The following ZNF445 variants were observed in gnomAD, a reference collection of about 807,000 sequenced individuals.
ZNF445 encodes zinc finger protein 168.
In ZNF445, 19 loss-of-function variants were observed where a neutral mutation model predicts 93.9. The observed-to-expected ratio is 0.20, with a 90% CI of 0.14 to 0.30. ZNF445 has a LOEUF of 0.30. Among genes scored for constraint, ZNF445 ranks in the 10% least tolerant of loss-of-function variants. ZNF445 has a pLI of 1.00. For synonymous variants in ZNF445, 449 were observed against 446.3 expected (o/e 1.01, Z -0.08); for missense variants, 1,058 against 1,259.4 (o/e 0.84, Z 2.42).
chr3:44,450,907 G>GCACCCCTC lies in ZNF445; in HGVS notation c.653_654insGAGGGGTG (p.Asp218GlufsTer6). 1 of 1,597,740 alleles carries GCACCCCTC rather than the reference G, an allele frequency of 6.3e-7. No homozygotes were observed. Among genetic ancestry groups the GCACCCCTC allele is most frequent in the Non-Finnish European group, 8.5e-7 (1 of 1,172,636 alleles). On this transcript the variant is annotated frameshift_variant, in exon 5 of 8. Transcript: ENST00000396077. LOFTEE classifies it high-confidence loss of function. Reference sequence around the variant, plus strand: ...TCAGGGACCTGGTTGGTGTTACCTGGTCTCCCGGGCACCCCTCTCTCGGGA... The same window carrying GCACCCCTC: ...TCAGGGACCTGGTTGGTGTTACCTGGCACCCCTCTCTCCCGGGCACCCCTCTCTCGGGA...
intron 3 of ZNF445, among the ~76,000 whole-genome samples, chr3:44,454,193 CA>C (rs560656049): frequency 4.7e-4 from 48 of 102,014 alleles, no homozygotes; most frequent in East Asian, 7.9e-4. Context: ...GGGTATGCCT[CA>C]AAAAAAAAAA....
rs1399895721 is a variant in ZNF445 at position 44,434,331 on chromosome 3, T to C, written c.*12244A>G. On this transcript the variant is annotated 3_prime_UTR_variant, in exon 8 of 8. Transcript: ENST00000396077. ...CAGGCTGAGGAAGCAGCTTCACTTG[T>C]ACCCAGGAGGTGCAGGTTGCAGTGA... 1.3e-5 allele frequency: 2 copies of C among 151,474 alleles called. No individual in the cohort carries two copies. Among genetic ancestry groups the C allele is most frequent in the Non-Finnish European group, 2.9e-5 (2 of 67,924 alleles). The allele number at this position is 151,474 out of a possible 1,614,324, so 9.4% of individuals were successfully genotyped here. A position where few individuals can be genotyped will look rare whatever the true frequency, so the allele number is the denominator to read the frequency against.
In ZNF445 at chr3:44,437,539, A is replaced by G. The variant is rs1165333792; in HGVS notation, c.*9036T>C. On this transcript the variant is annotated 3_prime_UTR_variant, in exon 8 of 8. Transcript: ENST00000396077. ...AGTGGTGAAAGGACAGCTACTCCATAGAGTAGGATGGAGTAACCTCTAACC... is the reference window on the plus strand; with the variant it reads ...AGTGGTGAAAGGACAGCTACTCCATGGAGTAGGATGGAGTAACCTCTAACC... 1 of 152,204 alleles carries G rather than the reference A, an allele frequency of 6.6e-6. No homozygotes were observed. The highest frequency in any genetic ancestry group is 2.4e-5 in the African/African-American group (1 of 41,452). 9.4% of individuals were successfully genotyped at this position (152,204 alleles called of 1,614,324 possible).
At chr3:44,473,228 C>G (rs1042249219) in intron 1 of ZNF445, among the ~76,000 whole-genome samples, 3 of 151,972 alleles carry the variant, frequency 2.0e-5, no homozygotes, top group African/African-American at 7.3e-5. Flanking sequence ...GAGGCTGAGG[C>G]GAGATCATCT....
In ZNF445 at chr3:44,449,530, G is replaced by A. The variant is rs777728719; in HGVS notation, c.914C>T (p.Pro305Leu). Residue 305 changes from proline to leucine, a missense_variant, in exon 7 of 8, where the codon CCA becomes CTA. By Grantham distance (98) the Pro-to-Leu change is moderately conservative (BLOSUM62 -3). Coordinates refer to ENST00000396077, the MANE Select transcript of ZNF445 (RefSeq NM_181489.6). Reference sequence around the variant, plus strand: ...GAACTCACCTGTAGGAGCAGCAACTGGATTCCCCTTAGGCTGAGCTGCCTG... The same window carrying A: ...GAACTCACCTGTAGGAGCAGCAACTAGATTCCCCTTAGGCTGAGCTGCCTG... The part of the protein sequence containing the change: ...NMQAAQPKGN[P>L]VAAPTGDDLQ... The A allele has an allele frequency of 1.1e-5, 17 of 1,613,980 alleles. No individual in the cohort carries two copies. Among genetic ancestry groups the A allele is most frequent in the Non-Finnish European group, 1.4e-5 (17 of 1,179,966 alleles).
rs1306889971 is a variant in ZNF445, at chr3:44,435,520, G to GT, written c.*11054dup. The GT allele has an allele frequency of 6.6e-6, 1 of 152,234 alleles. No individual in the cohort carries two copies. Among genetic ancestry groups the GT allele is most frequent in the Admixed American group, 6.5e-5 (1 of 15,276 alleles). 9.4% of individuals were successfully genotyped at this position (152,234 alleles called of 1,614,324 possible). On this transcript the variant is annotated 3_prime_UTR_variant, in exon 8 of 8. Coordinates refer to ENST00000396077, the MANE Select transcript of ZNF445 (RefSeq NM_181489.6). ...TCCATCTGTCTTCTGCACAGGCTGA[G>GT]TAGGTGAGCTAAGTGGAGATGTGTT... is the stretch of plus-strand genomic sequence containing the variant.
At chr3:44,459,536 T>C (rs897150682) in intron 1 of ZNF445, among the ~76,000 whole-genome samples, 13 of 152,164 alleles carry the variant, frequency 8.5e-5, no homozygotes, top group African/African-American at 3.1e-4. Context: ...AGCAAATGAC[T>C]AAAAGGCCAA....
In ZNF445 at chr3:44,448,362, GCCC is replaced by G; in HGVS notation, c.1306_1308del (p.Gly436del). 6.2e-7 allele frequency: 1 copy of G among 1,614,192 alleles called. No homozygotes were observed. The highest frequency in any genetic ancestry group is 8.5e-7 in the Non-Finnish European group (1 of 1,180,046). ...CTGAAGCCCCCAATCATGTGTCTGAGCCCCTTCCCATATTTCTTGTAGTCATAG... is the reference window on the plus strand; with the variant it reads ...CTGAAGCCCCCAATCATGTGTCTGAGCTTCCCATATTTCTTGTAGTCATAG... On this transcript the variant is annotated inframe_deletion, in exon 8 of 8. Transcript: ENST00000396077.
chr3:44,467,537 T>G (rs992454888), intron 1 of ZNF445, among the ~76,000 whole-genome samples: 1 of 152,160 alleles, frequency 6.6e-6, no homozygotes, highest in Non-Finnish European at 1.5e-5. Flanking sequence ...CCCCAAGTTA[T>G]CTTGGGACCT....
chr3:44,470,373 G>C (rs998965301), intron 1 of ZNF445, among the ~76,000 whole-genome samples: 1 of 152,174 alleles, frequency 6.6e-6, no homozygotes, highest in Non-Finnish European at 1.5e-5. Flanking sequence ...GTGTGTGACT[G>C]TATACGCATG....
In ZNF445 at chr3:44,450,609, C is replaced by T. The variant is rs369790450; in HGVS notation, c.694-36G>A. The T allele has an allele frequency of 3.3e-5, 53 of 1,601,778 alleles. No individual in the cohort carries two copies. The African/African-American group carries it at 5.6e-4, about 17-fold the overall frequency. On this transcript the variant is annotated intron_variant, in intron 5 of 7. Coordinates refer to ENST00000396077, the MANE Select transcript of ZNF445 (RefSeq NM_181489.6). Reference sequence around the variant, plus strand: ...ACTGTGCCCTAGAGCTGGTCCACAGCTCCCAGCTTTGAGGTGGAAAGGGAG... The same window carrying T: ...ACTGTGCCCTAGAGCTGGTCCACAGTTCCCAGCTTTGAGGTGGAAAGGGAG...
In ZNF445 at chr3:44,448,402, C is replaced by A. The variant is rs148169473; in HGVS notation, c.1269G>T (p.Met423Ile). The A allele has an allele frequency of 1.7e-3, 2,710 of 1,614,214 alleles. 20 individuals are homozygous for A. Among genetic ancestry groups the A allele is most frequent in the Non-Finnish European group, 1.2e-3 (1,460 of 1,180,038 alleles). Residue 423 changes from methionine (M) to isoleucine (I), a missense_variant, in exon 8 of 8, where the codon ATG (methionine) becomes ATT (isoleucine). Met to Ile is a conservative substitution (Grantham distance 10). Around this residue, in one of 3 missense-constraint regions of ZNF445, gnomAD observed 657 missense variants for 746.4 expected, o/e 0.88. Coordinates refer to ENST00000396077, the MANE Select transcript of ZNF445 (RefSeq NM_181489.6). ...TCTTGTAGTCATAGTGGTGTGAACT[C>A]ATTCTGAAGTGTTTGCCACAGCCAT... ...LKHGCGKHFRMSSHHYDYKKY... is the reference protein window; with the variant it reads ...LKHGCGKHFRISSHHYDYKKY...
chr3:44,457,923 GA>G (rs1465326594), intron 2 of ZNF445, among the ~76,000 whole-genome samples: 1 of 145,670 alleles, frequency 6.9e-6, no homozygotes, highest in African/African-American at 2.5e-5. Flanking sequence ...TGAGGCAGGA[GA>G]ATTGCTTGAA....
At chr3:44,454,374 T>G (rs1210485962) in intron 3 of ZNF445, among the ~76,000 whole-genome samples, 1 of 152,078 alleles carries the variant, frequency 6.6e-6, no homozygotes, top group Non-Finnish European at 1.5e-5. Context: ...TCAAGTCAAA[T>G]TAGATAATAT....
chr3:44,458,637 C>T (rs567178236), intron 1 of ZNF445, among the ~76,000 whole-genome samples: 8 of 152,136 alleles, frequency 5.3e-5, no homozygotes, highest in East Asian at 1.9e-4. Flanking sequence ...AATATTGGTG[C>T]GTTTTAGGCC....
intron 1 of ZNF445, among the ~76,000 whole-genome samples, chr3:44,462,711 CTT>C (rs1698134054): frequency 6.6e-6 from 1 of 151,908 alleles, no homozygotes; most frequent in South Asian, 2.1e-4. Flanking sequence ...CTTACCATCT[CTT>C]TGAGACACCT....
intron 1 of ZNF445, among the ~76,000 whole-genome samples, chr3:44,473,280 C>A (rs1030232199): frequency 2.6e-5 from 4 of 151,962 alleles, no homozygotes; most frequent in African/African-American, 9.7e-5. Flanking sequence ...CATGGAGAAA[C>A]CCCGTCTCTA....
chr3:44,468,366 G>A (rs1292873196), intron 1 of ZNF445, among the ~76,000 whole-genome samples: 2 of 152,206 alleles, frequency 1.3e-5, no homozygotes, highest in Non-Finnish European at 2.9e-5. Context: ...CCTGGGCACA[G>A]GCTGAACTAA....
At chr3:44,471,203 G>C (rs1365497833) in intron 1 of ZNF445, among the ~76,000 whole-genome samples, 3 of 152,182 alleles carry the variant, frequency 2.0e-5, no homozygotes, top group Non-Finnish European at 4.4e-5. Context: ...TCAGTCTAGA[G>C]AGCAATCTCA....
Sources: gnomAD v4.1 joint callset for allele counts (sites outside exome capture counted in the v4.1 genomes callset) on GRCh38, gnomAD v4.1.1 for gene constraint, gnomAD v4.1.1 regional missense constraint, MANE v1.5 for transcripts, NCBI Gene and HGNC (gene_info 2026-07-23, HGNC 2026-07-21) for gene names.